Variants in CLEC16A observed in about 807,000 individuals in gnomAD.
CLEC16A encodes the protein C-type lectin domain containing 16A, also known as protein CLEC16A.
Under a neutral mutation model 109.5 loss-of-function variants are expected in CLEC16A, and 51 were observed. The ratio of observed to expected loss-of-function variants is 0.47; its 90% CI spans 0.37 to 0.59. The LOEUF (loss-of-function observed/expected upper bound fraction) is 0.59. CLEC16A is among the 20% of genes least tolerant of loss of function. The pLI, the probability that CLEC16A is intolerant of heterozygous loss-of-function variation, is 0.00. For synonymous variants in CLEC16A, 673 were observed against 564.2 expected, an observed-to-expected ratio of 1.19 and a Z score of -2.73; for missense variants, 1,339 against 1,394.0, an observed-to-expected ratio of 0.96 and a Z score of 0.63.
intron 10 of CLEC16A, among the ~76,000 whole-genome samples, chr16:10,996,563 C>G (rs2044340641): frequency 6.6e-6 from 1 of 152,230 alleles, no homozygotes; most frequent in Non-Finnish European, 1.5e-5. Flanking sequence ...TTGTATCAGT[C>G]ATTTCCTCCT....
chr16:11,158,936 CAG>C (rs2061530317), intron 22 of CLEC16A, among the ~76,000 whole-genome samples: 1 of 149,672 alleles, frequency 6.7e-6, no homozygotes, highest in African/African-American at 2.5e-5. Flanking sequence ...AAAAAAAAAA[CAG>C]AGGCTGGAGA....
intron 11 of CLEC16A, among the ~76,000 whole-genome samples, chr16:11,007,270 T>C (rs1186756319): frequency 6.6e-6 from 1 of 152,136 alleles, no homozygotes; most frequent in Non-Finnish European, 1.5e-5. Context: ...CCAGGTTAGC[T>C]GGGTTTGAGA....
chr16:11,100,846 G>C (rs1307454401), intron 19 of CLEC16A, among the ~76,000 whole-genome samples: 1 of 152,206 alleles, frequency 6.6e-6, no homozygotes, highest in African/African-American at 2.4e-5. Context: ...GTTTGCAGAT[G>C]AACTTTTAAA....
chr16:10,969,270 A>G lies in CLEC16A; in HGVS notation c.453A>G (p.Leu151=). 1 of 1,611,830 alleles carries G rather than the reference A, an allele frequency of 6.2e-7. No homozygotes were observed. Among genetic ancestry groups the G allele is most frequent in the Non-Finnish European group, 8.5e-7 (1 of 1,178,862 alleles). The part of the protein sequence containing the change: ...YYISFLKTLS[L]KLNNHTVHFF... Reference sequence around the variant, plus strand: ...TATCGTTCCTGAAAACACTTTCGTTAAAACTCAACAACCACACTGTCCATT... The same window carrying G: ...TATCGTTCCTGAAAACACTTTCGTTGAAACTCAACAACCACACTGTCCATT... Residue 151 remains leucine (L), a synonymous_variant, in exon 4 of 24, where the codon TTA becomes TTG. Coordinates refer to ENST00000409790, the MANE Select transcript of CLEC16A (RefSeq NM_015226.3).
At chr16:10,950,530 C>T (rs1354821343) in intron 1 of CLEC16A, among the ~76,000 whole-genome samples, 15 of 152,206 alleles carry the variant, frequency 9.9e-5, no homozygotes, top group Admixed American at 9.8e-4. Flanking sequence ...CCTCACTTGC[C>T]GGCCCTGTTT....
At chr16:10,949,161 G>C (rs2041592488) in intron 1 of CLEC16A, among the ~76,000 whole-genome samples, 1 of 152,208 alleles carries the variant, frequency 6.6e-6, no homozygotes, top group Non-Finnish European at 1.5e-5. Context: ...ATGGCAGGTA[G>C]ACAGACGCAC....
At chr16:11,030,121 A>G (rs1277807600) in intron 13 of CLEC16A, among the ~76,000 whole-genome samples, 1 of 152,174 alleles carries the variant, frequency 6.6e-6, no homozygotes, top group African/African-American at 2.4e-5. Flanking sequence ...TTATTCATTC[A>G]TCTGTTAATG....
intron 22 of CLEC16A, among the ~76,000 whole-genome samples, chr16:11,164,222 C>T (rs1452151048): frequency 2.6e-5 from 4 of 152,216 alleles, no homozygotes; most frequent in Non-Finnish European, 5.9e-5. Context: ...AGCTGGTGCT[C>T]AGGATGACCG....
Position 11,126,161 on chromosome 16 carries a change from C to A in CLEC16A, c.2641+15C>A, listed in dbSNP as rs201677797. On this transcript the variant is annotated intron_variant, in intron 22 of 23. Coordinates refer to ENST00000409790, the MANE Select transcript of CLEC16A (RefSeq NM_015226.3). ...CAAGGTGCCAGGTGAGCCAGCCCCC[C>A]GCCCTGCGCCACAGCTCGTTCATCA... The A allele has an allele frequency of 1.9e-6, 3 of 1,613,728 alleles. No homozygotes were observed. Among genetic ancestry groups the A allele is most frequent in the Non-Finnish European group, 1.7e-6 (2 of 1,179,868 alleles).
intron 19 of CLEC16A, among the ~76,000 whole-genome samples, chr16:11,072,726 C>G (rs75030948): frequency 1.3e-5 from 2 of 152,314 alleles, no homozygotes; most frequent in South Asian, 4.1e-4. Flanking sequence ...CAGCATCACA[C>G]TAAGTGTACA....
At position 11,178,793 on chromosome 16, in the gene CLEC16A, C is replaced by T; in HGVS notation, c.*103C>T. On this transcript the variant is annotated 3_prime_UTR_variant, in exon 24 of 24. Transcript: ENST00000409790. This position sits in a 1 kb window ranked among gnomAD's most constrained non-coding sequence, Gnocchi z 6.5. ...GGGAGCACCCACCATTCTGTGCGGC[C>T]CCCAGCAGCCATCTCAACCACCTAT... is the stretch of plus-strand genomic sequence containing the variant. The T allele has an allele frequency of 2.3e-6, 2 of 867,954 alleles. No homozygotes were observed. The highest frequency in any genetic ancestry group is 1.7e-5 in the African/African-American group (1 of 58,928). The allele number at this position is 867,954 out of a possible 1,614,324, so 53.8% of individuals were successfully genotyped here.
intron 19 of CLEC16A, among the ~76,000 whole-genome samples, chr16:11,095,547 C>A (rs1034474687): frequency 3.3e-5 from 5 of 152,198 alleles, no homozygotes; most frequent in African/African-American, 1.2e-4. Context: ...CACGATGGCT[C>A]ACGCCTGTAA....
intron 12 of CLEC16A, chr16:11,024,537 T>G: frequency 6.2e-6 from 2 of 323,384 alleles, no homozygotes; most frequent in Non-Finnish European, 1.2e-5. Flanking sequence ...GTGTGGGGAG[T>G]TTGTATAATT....
At chr16:10,982,379 G>T (rs2043372534) in intron 9 of CLEC16A, among the ~76,000 whole-genome samples, 1 of 152,158 alleles carries the variant, frequency 6.6e-6, no homozygotes, top group African/African-American at 2.4e-5. Flanking sequence ...CCACCACAGG[G>T]TCAGAGCTCC....
chr16:11,090,739 G>C (rs559214556), intron 19 of CLEC16A, among the ~76,000 whole-genome samples: 10 of 151,524 alleles, frequency 6.6e-5, no homozygotes, highest in African/African-American at 2.4e-4. Context: ...CTCCCTCCCT[G>C]GTTCAAGTGA....
intron 19 of CLEC16A, among the ~76,000 whole-genome samples, chr16:11,086,036 G>T (rs1367233182): frequency 1.3e-5 from 2 of 152,244 alleles, no homozygotes; most frequent in Non-Finnish European, 2.9e-5. Context: ...CGCTTCACAG[G>T]GAGTCAGTGA....
chr16:11,153,575 T>G (rs2054380703), intron 22 of CLEC16A, among the ~76,000 whole-genome samples: 1 of 150,832 alleles, frequency 6.6e-6, no homozygotes. Flanking sequence ...ACATACTAGA[T>G]ACGTTCCTTA....
chr16:10,998,017 C>A (rs531842024), intron 10 of CLEC16A, among the ~76,000 whole-genome samples: 33 of 152,188 alleles, frequency 2.2e-4, no homozygotes, highest in Non-Finnish European at 4.3e-4. Context: ...ACTCAGGCAC[C>A]CAGTCTTTGG....
chr16:11,158,240 A>G (rs1043991874), intron 22 of CLEC16A, among the ~76,000 whole-genome samples: 1 of 152,162 alleles, frequency 6.6e-6, no homozygotes. Context: ...TGAACACTGC[A>G]TCGTCAGAAA....
Sources: allele counts gnomAD v4.1 joint callset (sites outside exome capture counted in the v4.1 genomes callset), GRCh38; gene constraint gnomAD v4.1.1; non-coding constraint Gnocchi (gnomAD v3.1); transcripts MANE v1.5; gene names NCBI Gene and HGNC (gene_info 2026-07-23, HGNC 2026-07-21).